ATP6V1A: variants seen among roughly 807,000 people sequenced by gnomAD.
The protein encoded by ATP6V1A is ATPase H+ transporting V1 subunit A.
In ATP6V1A, 18 loss-of-function variants were observed where a neutral mutation model predicts 70.1. The ratio of observed to expected loss-of-function variants is 0.26; its 90% CI spans 0.18 to 0.38. ATP6V1A has a LOEUF of 0.38. ATP6V1A is among the 10% of genes least tolerant of loss of function. The pLI is 1.00. For missense variants in ATP6V1A, 424 were observed against 772.4 expected, an observed-to-expected ratio of 0.55 and a Z score of 5.35; for synonymous variants, 232 against 253.8, an observed-to-expected ratio of 0.91 and a Z score of 0.82.
At chr3:113,801,275 A>G (rs943107336) in intron 12 of ATP6V1A, 33 of 152,202 alleles carry the variant, frequency 2.2e-4, no homozygotes, top group African/African-American at 7.5e-4. Flanking sequence ...AAAATGTACA[A>G]AGATCTCCTG....
At position 113,757,868 on chromosome 3, in the gene ATP6V1A, G is replaced by A. The variant is rs1708662195; in HGVS notation, c.-14+10755G>A. Among the ~76,000 whole-genome samples the A allele has an allele frequency of 1.3e-5, 2 of 152,214 alleles. 1 individual carries two copies. Among genetic ancestry groups the A allele is most frequent in the South Asian group, 4.1e-4 (2 of 4,832 alleles). On this transcript the variant is annotated intron_variant, in intron 1 of 14. Coordinates refer to ENST00000273398, the MANE Select transcript of ATP6V1A (RefSeq NM_001690.4). ...TTTAGAAATACTATATTAGTTGGCTGGGCCTGGTGGCTCACGCCTGTAATC... is the reference window on the plus strand; with the variant it reads ...TTTAGAAATACTATATTAGTTGGCTAGGCCTGGTGGCTCACGCCTGTAATC...
intron 1 of ATP6V1A, among the ~76,000 whole-genome samples, chr3:113,764,006 G>A (rs1048212864): frequency 5.3e-5 from 8 of 152,108 alleles, no homozygotes; most frequent in Admixed American, 2.6e-4. Flanking sequence ...TTGGGAGGCC[G>A]AAGCGGGAGG....
At chr3:113,807,368 C>T (rs1301474920) in intron 14 of ATP6V1A, among the ~76,000 whole-genome samples, 3 of 151,266 alleles carry the variant, frequency 2.0e-5, no homozygotes, top group South Asian at 2.1e-4. Flanking sequence ...TTAGTAGAGA[C>T]GGGGGTTTCT....
chr3:113,788,628 C>A, intron 6 of ATP6V1A, 85 bp from the exon 7 acceptor site: 2 of 1,319,810 alleles, frequency 1.5e-6, no homozygotes, highest in East Asian at 4.9e-5. Context: ...GGATTACAGG[C>A]GTGAGCCACC....
chr3:113,763,442 G>GTGATCCAAAGTATTAGGTAA (rs1708729828), intron 1 of ATP6V1A, among the ~76,000 whole-genome samples: 1 of 152,200 alleles, frequency 6.6e-6, no homozygotes, highest in Non-Finnish European at 1.5e-5. Flanking sequence ...TAAATCTGCA[G>GTGATCCAAAGTATTAGGTAA]TGATCCAAAG....
chr3:113,759,741 A>C (rs1042748892), intron 1 of ATP6V1A, among the ~76,000 whole-genome samples: 5 of 152,168 alleles, frequency 3.3e-5, no homozygotes, highest in African/African-American at 1.2e-4. Flanking sequence ...CAAAATGTGT[A>C]TTCAGTGTAC....
intron 1 of ATP6V1A, among the ~76,000 whole-genome samples, chr3:113,760,741 T>G (rs1708694128): frequency 6.7e-6 from 1 of 148,474 alleles, no homozygotes; most frequent in Admixed American, 6.8e-5. Flanking sequence ...AAATAAAAAA[T>G]AAAACTAAAC....
intron 1 of ATP6V1A, among the ~76,000 whole-genome samples, chr3:113,755,421 C>T (rs1313058255): frequency 7.5e-6 from 1 of 134,094 alleles, no homozygotes; most frequent in Non-Finnish European, 1.6e-5. Flanking sequence ...ATGGCAAAAC[C>T]ATGTCTGTAC....
At chr3:113,779,535 G>T (rs1325260658) in intron 2 of ATP6V1A, among the ~76,000 whole-genome samples, 1 of 152,146 alleles carries the variant, frequency 6.6e-6, no homozygotes, top group East Asian at 1.9e-4. Context: ...TCTTTTTCTT[G>T]TTCTAGTTAG....
In ATP6V1A at chr3:113,798,228, G is replaced by T. The variant is rs202148742; in HGVS notation, c.1291-15G>T. Reference sequence around the variant, plus strand: ...GAAAAATTACTGTTTTTGTGTGTGTGTTTTTTTTAATCAGGTGTTCTGGGG... The same window carrying T: ...GAAAAATTACTGTTTTTGTGTGTGTTTTTTTTTTAATCAGGTGTTCTGGGG... On this transcript the variant is annotated splice_polypyrimidine_tract_variant and intron_variant, in intron 11 of 14. Transcript: ENST00000273398. The T allele has an allele frequency of 1.2e-5, 20 of 1,610,110 alleles. No individual in the cohort carries two copies. Among genetic ancestry groups the T allele is most frequent in the Middle Eastern group, 1.7e-4 (1 of 6,050 alleles).
intron 1 of ATP6V1A, among the ~76,000 whole-genome samples, chr3:113,747,939 A>G (rs536683775): frequency 6.6e-6 from 1 of 152,210 alleles, no homozygotes; most frequent in South Asian, 2.1e-4. Flanking sequence ...TAGTTAAACC[A>G]AATTGATTTG....
Position 113,784,250 on chromosome 3 carries a change from C to T in ATP6V1A, c.238C>T (p.Leu80Phe), listed in dbSNP as rs1709013502. The part of the protein sequence containing the change: ...TSGVSVGDPV[L>F]RTGKPLSVEL... ...TGGTGTGTCTGTTGGAGATCCTGTA[C>T]TTCGCACTGGTAAACCCCTCTCTGT... The change falls in exon 4 of 15, where the codon CTT becomes TTT. Residue 80 changes from leucine (L) to phenylalanine (F), a missense_variant. Coordinates refer to ENST00000273398, the MANE Select transcript of ATP6V1A (RefSeq NM_001690.4). 3 of 1,614,032 alleles carry T rather than the reference C, an allele frequency of 1.9e-6. No homozygotes were observed. Among genetic ancestry groups the T allele is most frequent in the African/African-American group, 1.3e-5 (1 of 74,930 alleles).
chr3:113,793,374 G>C (rs1226854867), intron 8 of ATP6V1A, among the ~76,000 whole-genome samples: 2 of 152,054 alleles, frequency 1.3e-5, no homozygotes, highest in Non-Finnish European at 2.9e-5. Context: ...GAAACTCTTT[G>C]ATTAATGAAT....
chr3:113,750,482 A>T (rs1708573690), intron 1 of ATP6V1A, among the ~76,000 whole-genome samples: 1 of 151,814 alleles, frequency 6.6e-6, no homozygotes, highest in Admixed American at 6.6e-5. Context: ...ACTCCATCTC[A>T]AAAAAAACAA....
chr3:113,792,982 G>A (rs1180529564), intron 8 of ATP6V1A, among the ~76,000 whole-genome samples: 11 of 151,964 alleles, frequency 7.2e-5, no homozygotes, highest in Non-Finnish European at 1.6e-4. Context: ...ACTGCCTTGT[G>A]TTCATTTTCC....
At chr3:113,807,823 C>T (rs1254707657) in intron 14 of ATP6V1A, among the ~76,000 whole-genome samples, 2 of 151,906 alleles carry the variant, frequency 1.3e-5, no homozygotes, top group Non-Finnish European at 2.9e-5. Context: ...TTTTTCTATT[C>T]TTAGACACTT....
chr3:113,780,404 G>A (rs1435972480), intron 2 of ATP6V1A, among the ~76,000 whole-genome samples: 3 of 152,174 alleles, frequency 2.0e-5, no homozygotes, highest in African/African-American at 7.2e-5. Flanking sequence ...AGTAAGTTCA[G>A]TAAATGGAAT....
chr3:113,784,170 G>A, intron 3 of ATP6V1A, 54 bp from the exon 4 acceptor site: 1 of 1,515,266 alleles, frequency 6.6e-7, no homozygotes, highest in Non-Finnish European at 9.1e-7. Flanking sequence ...GGTATTTCCT[G>A]TTAATTGTGT....
intron 3 of ATP6V1A, 46 bp downstream of exon 3, chr3:113,781,224 T>G (rs754165374): frequency 6.4e-7 from 1 of 1,562,236 alleles, no homozygotes; most frequent in Middle Eastern, 1.7e-4. Context: ...TATTTCAAAA[T>G]TTAAGGATTT....
Sources: allele counts gnomAD v4.1 joint callset (sites outside exome capture counted in the v4.1 genomes callset), GRCh38; gene constraint gnomAD v4.1.1; transcripts MANE v1.5; gene names NCBI Gene and HGNC (gene_info 2026-07-23, HGNC 2026-07-21).